Variants in NAGA observed in about 807,000 individuals in gnomAD.
The protein encoded by NAGA is alpha-N-acetylgalactosaminidase.
A neutral mutation model predicts 45.6 loss-of-function variants in NAGA; 42 were observed. The ratio of observed to expected loss-of-function variants is 0.92; its 90% confidence interval spans 0.72 to 1.19. NAGA has a LOEUF of 1.19. Among genes scored for constraint, NAGA ranks in the 50% most tolerant of loss-of-function variants. The pLI, the probability that NAGA is intolerant of heterozygous loss-of-function variation, is 0.00. For synonymous variants in NAGA, 176 were observed against 203.1 expected (o/e 0.87, Z 1.13); for missense variants, 493 against 544.8 (o/e 0.90, Z 0.95).
intron 1 of NAGA, among the ~76,000 whole-genome samples, chr22:42,069,473 G>C (rs577935623): frequency 2.0e-4 from 30 of 151,860 alleles, no homozygotes; most frequent in Middle Eastern, 7.0e-3. Flanking sequence ...AAAAATACCG[G>C]GGTGAGGTGG....
At chr22:42,068,009 G>GA in intron 2 of NAGA, 73 bp from the exon 3 acceptor site, 1 of 1,400,668 alleles carries the variant, frequency 7.1e-7, no homozygotes, top group Admixed American at 1.7e-5. Flanking sequence ...CCTCAGCTCT[G>GA]ATTGAATCTG....
rs768042401 is a variant in NAGA, at chr22:42,067,951, A to G, written c.153-15T>C. 1.9e-6 allele frequency: 3 copies of G among 1,612,888 alleles called. No homozygotes were observed. The highest frequency in any genetic ancestry group is 4.5e-5 in the East Asian group (2 of 44,868). Reference sequence around the variant, plus strand: ...AGAGCTGTTCACTAGTGAGGGGCAGAGGGATGGGGTAGCTCAGGGACCCAG... The same window carrying G: ...AGAGCTGTTCACTAGTGAGGGGCAGGGGGATGGGGTAGCTCAGGGACCCAG... On this transcript the variant is annotated splice_polypyrimidine_tract_variant and intron_variant, in intron 2 of 8. Transcript: ENST00000396398.
chr22:42,070,004 T>A (rs898936087), intron 1 of NAGA, among the ~76,000 whole-genome samples: 4 of 152,184 alleles, frequency 2.6e-5, no homozygotes, highest in Non-Finnish European at 5.9e-5. Flanking sequence ...ATCTGTAATA[T>A]GGAGTTACTG....
chr22:42,066,658 A>T (rs1340592913), intron 5 of NAGA, 52 bp downstream of exon 5: 2 of 1,505,954 alleles, frequency 1.3e-6, no homozygotes, highest in Non-Finnish European at 1.8e-6. Flanking sequence ...CTCAGGAGGT[A>T]AGGAGGCCTG....
At chr22:42,064,320 A>G (rs1442672091) in intron 6 of NAGA, among the ~76,000 whole-genome samples, 2 of 150,328 alleles carry the variant, frequency 1.3e-5, no homozygotes, top group African/African-American at 4.9e-5. Context: ...AGCCTGGGCA[A>G]CAAGAGCAAA....
chr22:42,066,725 G>A lies in NAGA; in HGVS notation c.582C>T (p.Gly194=), dbSNP rs553977653. 4.3e-5 allele frequency: 69 copies of A among 1,601,784 alleles called. No individual in the cohort carries two copies. The East Asian group carries it at 1.2e-3, about 28-fold the overall frequency. ...AATGGCTTACCCTTGGGGGGAGGCC[G>A]CCTTCATAGGCTGGCCAGCTGCAGG... ...AFSCSWPAYE[G]GLPPRVNYSL... The change falls in exon 5 of 9, where the codon GGC becomes GGT. Residue 194 remains glycine (G), a synonymous_variant. Coordinates refer to ENST00000396398, the MANE Select transcript of NAGA (RefSeq NM_000262.3).
intron 7 of NAGA, 68 bp downstream of exon 7, chr22:42,062,759 T>C: frequency 3.2e-6 from 5 of 1,561,990 alleles, no homozygotes; most frequent in Non-Finnish European, 4.4e-6. Context: ...CCAGGGAGGC[T>C]GGCAGCCTTT....
intron 6 of NAGA, among the ~76,000 whole-genome samples, 189 bp downstream of exon 6, chr22:42,065,549 A>C (rs1395916913): frequency 2.6e-5 from 4 of 152,156 alleles, no homozygotes; most frequent in African/African-American, 9.7e-5. Context: ...TGTGATGCAA[A>C]ACGTGGGGGA....
intron 2 of NAGA, 125 bp from the exon 3 acceptor site, chr22:42,068,061 T>G (rs1361954906): frequency 1.1e-6 from 1 of 930,160 alleles, no homozygotes; most frequent in African/African-American, 1.6e-5. Flanking sequence ...AAGCCAGGTA[T>G]CAGTGTAAAT....
rs113848447 is a variant in NAGA at position 42,067,191 on chromosome 22, C to A, written c.424G>T (p.Ala142Ser). Residue 142 changes from alanine (A) to serine (S), a missense_variant, in exon 4 of 9, where the codon GCT (alanine) becomes TCT (serine). By Grantham distance (99) the Ala-to-Ser change is moderately conservative. Transcript: ENST00000396398. ...ACCTTCCACTCGGCGAAGGTCTGAG[C>A]ATCCTGGACCACCTTGTCCAGTGTG... is the stretch of plus-strand genomic sequence containing the variant. ...GTTLDKVVQDAQTFAEWKVDM... is the reference protein window; with the variant it reads ...GTTLDKVVQDSQTFAEWKVDM... 6.2e-7 allele frequency: 1 copy of A among 1,614,150 alleles called. No individual in the cohort carries two copies. The highest frequency in any genetic ancestry group is 1.1e-5 in the South Asian group (1 of 91,088).
chr22:42,067,733 G>A, intron 3 of NAGA, 32 bp downstream of exon 3: 1 of 1,602,092 alleles, frequency 6.2e-7, no homozygotes, highest in Non-Finnish European at 8.5e-7. Flanking sequence ...GTCTAGCCCT[G>A]AGGCCAAGGG....
rs9620017 is a variant in NAGA, at chr22:42,060,870, C to G, written c.1101+54G>C. ...GTGAACAACCACCCCCCATAATACCCTCCCACAGAAATCTGAAGCCCAGGC... is the reference window on the plus strand; with the variant it reads ...GTGAACAACCACCCCCCATAATACCGTCCCACAGAAATCTGAAGCCCAGGC... On this transcript the variant is annotated intron_variant, in intron 8 of 8. Transcript: ENST00000396398. 22,682 of 1,612,260 alleles carry G rather than the reference C, an allele frequency of 0.014. 2,511 individuals are homozygous for G. In the African/African-American group the frequency reaches 0.25, roughly 18 times the overall value.
At chr22:42,066,467 C>T (rs1027038155) in intron 5 of NAGA, among the ~76,000 whole-genome samples, 1 of 152,240 alleles carries the variant, frequency 6.6e-6, no homozygotes, top group Non-Finnish European at 1.5e-5. Context: ...GCCCACTTCA[C>T]AAGGGCCTCT....
intron 5 of NAGA, among the ~76,000 whole-genome samples, 193 bp from the exon 6 acceptor site, chr22:42,066,092 C>T (rs1018899810): frequency 1.3e-5 from 2 of 152,150 alleles, no homozygotes; most frequent in African/African-American, 4.8e-5. Context: ...CGGGGTCTCC[C>T]TTCTGTGCAT....
At chr22:42,064,326 G>A (rs960262980) in intron 6 of NAGA, among the ~76,000 whole-genome samples, 5 of 142,320 alleles carry the variant, frequency 3.5e-5, no homozygotes, top group African/African-American at 1.3e-4. Flanking sequence ...GGCAACAAGA[G>A]CAAAACTCAG....
chr22:42,060,119 G>A lies in NAGA; in HGVS notation c.*160C>T. The A allele has an allele frequency of 1.1e-6, 1 of 944,224 alleles. No homozygotes were observed. The highest frequency in any genetic ancestry group is 2.5e-5 in the East Asian group (1 of 39,916). The allele number at this position is 944,224 out of a possible 1,614,324, so 58.5% of individuals were successfully genotyped here. On this transcript the variant is annotated 3_prime_UTR_variant, in exon 9 of 9. Transcript: ENST00000396398. ...TTCCAAGAGGGTTTACGCTTGGACAGGGCATAGAACCTGGCCGTGAGATTG... is the reference window on the plus strand; with the variant it reads ...TTCCAAGAGGGTTTACGCTTGGACAAGGCATAGAACCTGGCCGTGAGATTG...
Position 42,061,026 on chromosome 22 carries a change from G to C in NAGA, c.999C>G (p.Asn333Lys). ...LIEVYMRPLS[N>K]KASALVFFSC... ...TGAAGAAGACTAAGGCGCTAGCCTT[G>C]TTGGACAGAGGCCGCATGTACACTT... is the stretch of plus-strand genomic sequence containing the variant. The change falls in exon 8 of 9, where the codon AAC becomes AAG. Residue 333 changes from asparagine to lysine, a missense_variant. Coordinates refer to ENST00000396398, the MANE Select transcript of NAGA (RefSeq NM_000262.3). 2 of 1,614,190 alleles carry C rather than the reference G, an allele frequency of 1.2e-6. No homozygotes were observed. The highest frequency in any genetic ancestry group is 1.7e-6 in the Non-Finnish European group (2 of 1,180,030).
chr22:42,069,601 CAG>C (rs1287487081), intron 1 of NAGA, among the ~76,000 whole-genome samples: 1 of 123,394 alleles, frequency 8.1e-6, no homozygotes, highest in Non-Finnish European at 1.6e-5. Flanking sequence ...GCCTGGGTGA[CAG>C]AGTGAGACTC....
intron 7 of NAGA, among the ~76,000 whole-genome samples, chr22:42,062,189 C>T (rs575294504): frequency 6.6e-6 from 1 of 152,058 alleles, no homozygotes; most frequent in South Asian, 2.1e-4. Flanking sequence ...AACAGCTTCT[C>T]CTGGCCGAGT....
Sources: gnomAD v4.1 joint callset for allele counts (sites outside exome capture counted in the v4.1 genomes callset) on GRCh38, gnomAD v4.1.1 for gene constraint, MANE v1.5 for transcripts, NCBI Gene and HGNC (gene_info 2026-07-23, HGNC 2026-07-21) for gene names.